The following SARDH variants were observed in gnomAD, a reference collection of about 807,000 sequenced individuals.
SARDH encodes the protein sarcosine dehydrogenase.
A neutral mutation model predicts 109.1 loss-of-function variants in SARDH; 95 were observed. The observed-to-expected ratio is 0.87, with a 90% confidence interval of 0.74 to 1.03. The LOEUF is 1.03. Ranked by LOEUF, SARDH falls within the 50% of genes least tolerant of loss-of-function variation. SARDH has a pLI of 0.00. For missense variants in SARDH, 1,267 were observed against 1,287.8 expected, an observed-to-expected ratio of 0.98 and a Z score of 0.25; for synonymous variants, 572 against 534.8, an observed-to-expected ratio of 1.07 and a Z score of -0.96.
intron 17 of SARDH, among the ~76,000 whole-genome samples, chr9:133,681,951 C>T (rs1830710970): frequency 6.6e-6 from 1 of 151,738 alleles, no homozygotes; most frequent in Non-Finnish European, 1.5e-5. Flanking sequence ...GCCTAGAAAG[C>T]ATTGTGCTTC....
chr9:133,724,501 C>G (rs1832424721), intron 6 of SARDH, among the ~76,000 whole-genome samples: 1 of 152,056 alleles, frequency 6.6e-6, no homozygotes, highest in Non-Finnish European at 1.5e-5. Context: ...TAAAAAAAGA[C>G]AAAAAATAAC....
intron 13 of SARDH, among the ~76,000 whole-genome samples, chr9:133,696,951 G>C (rs1831309292): frequency 6.6e-6 from 1 of 152,076 alleles, no homozygotes; most frequent in South Asian, 2.1e-4. Flanking sequence ...AAAGCAAGCA[G>C]AAGGAATGAA....
At chr9:133,669,598 C>T (rs1050854055) in intron 19 of SARDH, among the ~76,000 whole-genome samples, 8 of 152,002 alleles carry the variant, frequency 5.3e-5, no homozygotes, top group African/African-American at 9.7e-5. Flanking sequence ...CCAGGGATCA[C>T]GTGCGCCGGG....
chr9:133,681,463 A>AT (rs1416124799), intron 17 of SARDH, among the ~76,000 whole-genome samples: 1 of 152,164 alleles, frequency 6.6e-6, no homozygotes, highest in African/African-American at 2.4e-5. Context: ...CACCCTGCCT[A>AT]GGACCTCTTT....
chr9:133,669,502 G>A (rs983914441), intron 19 of SARDH, among the ~76,000 whole-genome samples: 2 of 151,410 alleles, frequency 1.3e-5, no homozygotes, highest in African/African-American at 4.9e-5. Flanking sequence ...ACCACGGGAG[G>A]GCCTCTGATC....
At chr9:133,701,453 G>T (rs146390106) in intron 13 of SARDH, among the ~76,000 whole-genome samples, 1 of 152,228 alleles carries the variant, frequency 6.6e-6, no homozygotes, top group African/African-American at 2.4e-5. Context: ...GCAGCCTCCC[G>T]CGCTGGGCTC....
chr9:133,720,027 G>A (rs1298981619), intron 6 of SARDH, among the ~76,000 whole-genome samples: 5 of 151,796 alleles, frequency 3.3e-5, no homozygotes, highest in East Asian at 1.9e-4. Context: ...AGGAGAATGC[G>A]TGAACCCAGA....
At chr9:133,733,794 CT>C (rs749104716) in intron 2 of SARDH, 48 bp downstream of exon 2, 1 of 1,398,140 alleles carries the variant, frequency 7.2e-7, no homozygotes, top group African/African-American at 1.5e-5. Flanking sequence ...GCTGTGGCCC[CT>C]CGCTATGTCC....
At chr9:133,679,830 T>A (rs1241061883) in intron 17 of SARDH, among the ~76,000 whole-genome samples, 2 of 151,956 alleles carry the variant, frequency 1.3e-5, no homozygotes, top group Non-Finnish European at 2.9e-5. Flanking sequence ...GTGAGGAGGG[T>A]CTTTGGGCAG....
rs1160623832 is a variant in SARDH, at chr9:133,685,293, G to T, written c.2070-7C>A. On this transcript the variant is annotated splice_region_variant and splice_polypyrimidine_tract_variant and intron_variant, in intron 16 of 20. Transcript: ENST00000439388. ...CTCCTGCAAAATGGCTCGGCTGCAG[G>T]CAAGAGCAAAGTCGCTCAGTCAGCA... The T allele has an allele frequency of 6.2e-7, 1 of 1,612,524 alleles. No individual in the cohort carries two copies. The highest frequency in any genetic ancestry group is 1.3e-5 in the African/African-American group (1 of 74,930).
At position 133,712,914 on chromosome 9, in the gene SARDH, C is replaced by T; in HGVS notation, c.1237+124G>A. The T allele has an allele frequency of 9.4e-7, 1 of 1,063,348 alleles. No individual in the cohort carries two copies. 65.9% of individuals were successfully genotyped at this position (1,063,348 alleles called of 1,614,324 possible). On this transcript the variant is annotated intron_variant, in intron 9 of 20. Transcript: ENST00000439388. The surrounding 1 kb of genome is among the most constrained non-coding windows in gnomAD (Gnocchi z 4.1). ...TCTGGGAAGCAGAAGGGGCTGGACTCCCCAGCCTCTCCTGTCCCCACCACT... is the reference window on the plus strand; with the variant it reads ...TCTGGGAAGCAGAAGGGGCTGGACTTCCCAGCCTCTCCTGTCCCCACCACT...
intron 16 of SARDH, among the ~76,000 whole-genome samples, chr9:133,688,448 G>GCTC (rs1001853705): frequency 6.6e-6 from 1 of 151,998 alleles, no homozygotes; most frequent in African/African-American, 2.4e-5. Flanking sequence ...CATGGACTCA[G>GCTC]CTCATCACTC....
At chr9:133,720,025 G>A (rs2131471110) in intron 6 of SARDH, among the ~76,000 whole-genome samples, 1 of 152,248 alleles carries the variant, frequency 6.6e-6, no homozygotes, top group Middle Eastern at 3.4e-3. Context: ...GCAGGAGAAT[G>A]CGTGAACCCA....
intron 20 of SARDH, 104 bp from the exon 21 acceptor site, chr9:133,664,118 T>C (rs1829975007): frequency 1.4e-6 from 2 of 1,465,824 alleles, no homozygotes; most frequent in South Asian, 1.3e-5. Flanking sequence ...CTACCTGCCC[T>C]GTGGGCAAAC....
chr9:133,713,333 T>C (rs1411416299), intron 8 of SARDH, among the ~76,000 whole-genome samples: 1 of 152,134 alleles, frequency 6.6e-6, no homozygotes, highest in East Asian at 1.9e-4. Context: ...CCACGTGTGC[T>C]GCCAGAACCA....
At position 133,698,478 on chromosome 9, in the gene SARDH, G is replaced by A. The variant is rs148572286; in HGVS notation, c.1669-2117C>T. ...ATAATACTCAAAACAATATTGAAAA[G>A]GAAAAACAAAATTGCAGAATTCACA... is the stretch of plus-strand genomic sequence containing the variant. On this transcript the variant is annotated intron_variant, in intron 13 of 20. Transcript: ENST00000439388. Among the ~76,000 whole-genome samples, 429 of 152,222 alleles carry A rather than the reference G, an allele frequency of 2.8e-3. 1 individual carries two copies. The highest frequency in any genetic ancestry group is 9.8e-3 in the African/African-American group (407 of 41,524).
Position 133,666,765 on chromosome 9 carries a change from G to A in SARDH, c.2601C>T (p.Tyr867=), listed in dbSNP as rs572976768. 8.1e-5 allele frequency: 129 copies of A among 1,599,734 alleles called. No individual in the cohort carries two copies. Among genetic ancestry groups the A allele is most frequent in the East Asian group, 2.9e-4 (13 of 44,228 alleles). Residue 867 remains tyrosine, a synonymous_variant, in exon 20 of 21, where the codon TAC becomes TAT. Coordinates refer to ENST00000439388, the MANE Select transcript of SARDH (RefSeq NM_001134707.2). The surrounding 1 kb of genome is among the most constrained non-coding windows in gnomAD (Gnocchi z 5.2). ...FGFAIDKTIA[Y]GYIHDPSGGP... ...CACCGCTGGGGTCATGGATGTAACC[G>A]TAGGCGATGGTCTTGTCGATGGCGA...
Position 133,702,852 on chromosome 9 carries a change from C to T in SARDH, c.1668+64G>A, listed in dbSNP as rs113992975. ...CCCTGCAGGGCCAGCCGAGGGCCGG[C>T]GCAATGGCTTATCTGAGGGACAGGC... On this transcript the variant is annotated intron_variant, in intron 13 of 20. Transcript: ENST00000439388. The T allele has an allele frequency of 7.3e-4, 1,080 of 1,480,644 alleles. 5 individuals are homozygous for T. In the African/African-American group the frequency reaches 0.012, roughly 16 times the overall value. 91.7% of individuals were successfully genotyped at this position (1,480,644 alleles called of 1,614,324 possible).
rs1051496719 is a variant in SARDH, at chr9:133,692,894, C to T, written c.1921+1364G>A. Among the ~76,000 whole-genome samples, 6 of 152,158 alleles carry T rather than the reference C, an allele frequency of 3.9e-5. No individual in the cohort carries two copies. Among genetic ancestry groups the T allele is most frequent in the African/African-American group, 1.2e-4 (5 of 41,430 alleles). On this transcript the variant is annotated intron_variant, in intron 15 of 20. Coordinates refer to ENST00000439388, the MANE Select transcript of SARDH (RefSeq NM_001134707.2). This position sits in a 1 kb window ranked among gnomAD's most constrained non-coding sequence, Gnocchi z 5.0. ...AAGGGGTGGGCGAGCTCTGCGCACC[C>T]CATAGGACCCCTCACTCACGCTCTC...
Sources: gnomAD v4.1 joint callset for allele counts (sites outside exome capture counted in the v4.1 genomes callset) on GRCh38, gnomAD v4.1.1 for gene constraint, Gnocchi (gnomAD v3.1) non-coding constraint, MANE v1.5 for transcripts, NCBI Gene and HGNC (gene_info 2026-07-23, HGNC 2026-07-21) for gene names.